Variants in BRINP3 observed in about 807,000 individuals in gnomAD.
BRINP3 encodes the protein BMP/retinoic acid-inducible neural-specific protein 3.
BRINP3 carries 19 observed loss-of-function variants against 71.0 expected under a neutral mutation model. The observed-to-expected ratio is 0.27, with a 90% CI of 0.19 to 0.39. BRINP3 has a LOEUF of 0.39. BRINP3 is among the 10% of genes least tolerant of loss of function. The pLI, the probability that BRINP3 is intolerant of heterozygous loss-of-function variation, is 1.00. For missense variants in BRINP3, 959 were observed against 940.8 expected (o/e 1.02, Z -0.25); for synonymous variants, 380 against 337.7 (o/e 1.13, Z -1.37).
chr1:190,203,463 G>A (rs796663989), intron 6 of BRINP3, among the ~76,000 whole-genome samples: 32 of 118,760 alleles, frequency 2.7e-4, no homozygotes, highest in Admixed American at 5.4e-4. Flanking sequence ...ATATATATAT[G>A]TGTGTGTGTG....
At position 190,462,363 on chromosome 1, in the gene BRINP3, A is replaced by C. The variant is rs1676453163; in HGVS notation, c.-50-7423T>G. Among the ~76,000 whole-genome samples, 4 of 152,160 alleles carry C rather than the reference A, an allele frequency of 2.6e-5. No homozygotes were observed. In the South Asian group the frequency reaches 8.3e-4, roughly 32 times the overall value. On this transcript the variant is annotated intron_variant, in intron 1 of 7. Transcript: ENST00000367462. ...TTTTTCACTTATGTTCTATAATTCA[A>C]TTTCTAAAGACAGAAACTATATATG...
intron 7 of BRINP3, chr1:190,154,104 T>A: frequency 1.1e-6 from 1 of 949,540 alleles, no homozygotes; most frequent in Non-Finnish European, 1.3e-6. Context: ...CACATTTTCA[T>A]CTTAGCTAGG....
intron 2 of BRINP3, among the ~76,000 whole-genome samples, chr1:190,321,500 T>A (rs1666242181): frequency 6.6e-6 from 1 of 152,102 alleles, no homozygotes; most frequent in Admixed American, 6.6e-5. Flanking sequence ...ATTTCAAAAA[T>A]TTTTTAAAGT....
At chr1:190,450,208 A>C (rs760198831) in intron 2 of BRINP3, among the ~76,000 whole-genome samples, 24 of 152,034 alleles carry the variant, frequency 1.6e-4, no homozygotes, top group Admixed American at 6.6e-5. Flanking sequence ...TTAGGATCCA[A>C]CTCTGGGCTT....
At chr1:190,453,201 G>GTTTTTTTTTTTTTTT (rs745819844) in intron 2 of BRINP3, among the ~76,000 whole-genome samples, 7 of 37,844 alleles carry the variant, frequency 1.8e-4, no homozygotes, top group Non-Finnish European at 3.0e-4. Flanking sequence ...AAAAACTTTA[G>GTTTTTTTTTTTTTTT]TATTTTTTTT....
intron 7 of BRINP3, chr1:190,154,150 C>A (rs1459467211): frequency 1.4e-6 from 1 of 737,462 alleles, no homozygotes; most frequent in Non-Finnish European, 1.7e-6. Flanking sequence ...TATTCTTCTT[C>A]CCTTAAGAAC....
chr1:190,211,483 ATGTC>A (rs1334608734), intron 6 of BRINP3, among the ~76,000 whole-genome samples: 4 of 152,094 alleles, frequency 2.6e-5, no homozygotes, highest in Admixed American at 2.6e-4. Context: ...TGTATAGACA[ATGTC>A]TGGACACAGA....
intron 7 of BRINP3, among the ~76,000 whole-genome samples, chr1:190,145,840 T>A (rs916651737): frequency 2.6e-5 from 4 of 152,158 alleles, no homozygotes; most frequent in African/African-American, 9.7e-5. Flanking sequence ...TACATACATA[T>A]ATACACACAT....
intron 2 of BRINP3, among the ~76,000 whole-genome samples, chr1:190,379,027 T>TTCA (rs1473245838): frequency 2.6e-5 from 4 of 152,148 alleles, no homozygotes; most frequent in Non-Finnish European, 5.9e-5. Context: ...CTGTGACAGG[T>TTCA]TAATTACTTA....
At chr1:190,189,898 G>T (rs1278638682) in intron 6 of BRINP3, among the ~76,000 whole-genome samples, 1 of 152,122 alleles carries the variant, frequency 6.6e-6, no homozygotes, top group East Asian at 1.9e-4. Context: ...TTCTAGAAAA[G>T]CCCTGCATTT....
chr1:190,202,940 C>A (rs1655136895), intron 6 of BRINP3, among the ~76,000 whole-genome samples: 1 of 152,084 alleles, frequency 6.6e-6, no homozygotes, highest in African/African-American at 2.4e-5. Context: ...TTGCCCAGCA[C>A]AGAGTACCAA....
chr1:190,441,146 A>G (rs1674791309), intron 2 of BRINP3, among the ~76,000 whole-genome samples: 1 of 152,012 alleles, frequency 6.6e-6, no homozygotes, highest in Admixed American at 6.6e-5. Context: ...GAAGCTAGAA[A>G]AAAAAAACCT....
intron 7 of BRINP3, among the ~76,000 whole-genome samples, chr1:190,119,766 A>T (rs1429749577): frequency 6.6e-6 from 1 of 152,208 alleles, no homozygotes; most frequent in Non-Finnish European, 1.5e-5. Flanking sequence ...AATGCCTTCC[A>T]TGTATCTTTT....
chr1:190,391,619 G>T lies in BRINP3; in HGVS notation c.236+63036C>A, dbSNP rs77384663. ...AATCAAACTGACATTTAAAAAATTT[G>T]TATAGGTTCCTTAGGGAGTGTTAGA... On this transcript the variant is annotated intron_variant, in intron 2 of 7. Coordinates refer to ENST00000367462, the MANE Select transcript of BRINP3 (RefSeq NM_199051.3). Among the ~76,000 whole-genome samples the T allele has an allele frequency of 7.8e-4, 119 of 151,754 alleles. 2 individuals are homozygous for T. In the East Asian group the frequency reaches 0.016, roughly 21 times the overall value.
intron 2 of BRINP3, among the ~76,000 whole-genome samples, chr1:190,384,160 T>C (rs1316368287): frequency 6.7e-6 from 1 of 148,382 alleles, no homozygotes; most frequent in Non-Finnish European, 1.5e-5. Flanking sequence ...TTTTTTTCAT[T>C]GCCTTATCAT....
intron 4 of BRINP3, among the ~76,000 whole-genome samples, chr1:190,253,847 T>G (rs1335942211): frequency 1.3e-5 from 2 of 152,208 alleles, no homozygotes; most frequent in Non-Finnish European, 2.9e-5. Flanking sequence ...TGCCCATGCC[T>G]ATGTCCTGAA....
At chr1:190,211,149 C>T (rs1303389230) in intron 6 of BRINP3, among the ~76,000 whole-genome samples, 3 of 152,040 alleles carry the variant, frequency 2.0e-5, no homozygotes, top group African/African-American at 7.2e-5. Flanking sequence ...GGGACTTTAC[C>T]TTGTGCTCAT....
chr1:190,426,800 G>A (rs1270676194), intron 2 of BRINP3, among the ~76,000 whole-genome samples: 8 of 151,784 alleles, frequency 5.3e-5, no homozygotes, highest in Admixed American at 5.3e-4. Flanking sequence ...GTTGTGTTAT[G>A]AGTATTATAA....
intron 6 of BRINP3, among the ~76,000 whole-genome samples, chr1:190,207,487 A>AT (rs1248193180): frequency 1.3e-5 from 2 of 152,020 alleles, no homozygotes; most frequent in Non-Finnish European, 2.9e-5. Flanking sequence ...CAGCAGGGTT[A>AT]TTTTTTCTTT....
Sources: allele counts gnomAD v4.1 joint callset (sites outside exome capture counted in the v4.1 genomes callset), GRCh38; gene constraint gnomAD v4.1.1; transcripts MANE v1.5; gene names NCBI Gene and HGNC (gene_info 2026-07-23, HGNC 2026-07-21).